The following ZNF624 variants were observed in gnomAD, a reference collection of about 807,000 sequenced individuals.
ZNF624 encodes zinc finger protein 624.
In ZNF624, 43 loss-of-function variants were observed where a neutral mutation model predicts 74.7. The observed-to-expected ratio is 0.58, with a 90% CI of 0.45 to 0.74. ZNF624 has a LOEUF of 0.74. Among genes scored for constraint, ZNF624 ranks in the 30% least tolerant of loss-of-function variants. ZNF624 has a pLI of 0.00. For synonymous variants in ZNF624, 331 were observed against 341.3 expected, an observed-to-expected ratio of 0.97 and a Z score of 0.33; for missense variants, 820 against 1,030.0, an observed-to-expected ratio of 0.80 and a Z score of 2.79.
At chr17:16,620,175 GTTC>G (rs1461661380), downstream of ZNF624, among the ~76,000 whole-genome samples, 1 of 152,146 alleles carries the variant, frequency 6.6e-6, no homozygotes, top group Non-Finnish European at 1.5e-5. Flanking sequence ...ATCATGCCTT[GTTC>G]TTTTTGGATG....
intron 3 of ZNF624, 46 bp downstream of exon 3, chr17:16,647,283 T>C (rs765495496): frequency 8.1e-6 from 12 of 1,480,540 alleles, no homozygotes; most frequent in East Asian, 6.8e-5. Context: ...GGCAGTAAAA[T>C]AGGCATTTTC....
chr17:16,649,530 T>C, intron 2 of ZNF624, 128 bp downstream of exon 2: 1 of 762,590 alleles, frequency 1.3e-6, no homozygotes, highest in Non-Finnish European at 2.2e-6. Context: ...AACCCAATTT[T>C]CATGGGTCTA....
intron 1 of ZNF624, among the ~76,000 whole-genome samples, chr17:16,653,072 T>A (rs1272739896): frequency 1.3e-5 from 2 of 152,254 alleles, no homozygotes; most frequent in Non-Finnish European, 2.9e-5. Flanking sequence ...CCTTGGCCAG[T>A]GCAGTTATTT....
chr17:16,617,220 TTTTGAGACAC>T, downstream of ZNF624: 4 of 1,612,704 alleles, frequency 2.5e-6, no homozygotes, highest in Admixed American at 6.7e-5. Flanking sequence ...GGGAGCGACT[TTTTGAGACAC>T]TTCCAGATCT....
Position 16,645,678 on chromosome 17 carries a change from G to A in ZNF624, c.153+1651C>T, listed in dbSNP as rs112728511. Among the ~76,000 whole-genome samples, 860 of 150,652 alleles carry A rather than the reference G, an allele frequency of 5.7e-3. 3 individuals are homozygous for A. In the Middle Eastern group the frequency reaches 0.058, roughly 10 times the overall value. On this transcript the variant is annotated intron_variant, in intron 3 of 5. Coordinates refer to ENST00000311331, the MANE Select transcript of ZNF624 (RefSeq NM_020787.4). ...CACTAATTGAAAATGTCAGCCGGGC[G>A]CAGTGGCTCATGCCTGTAATCCCAG...
chr17:16,632,576 T>G (rs1247338585), intron 5 of ZNF624, among the ~76,000 whole-genome samples: 1 of 152,220 alleles, frequency 6.6e-6, no homozygotes, highest in East Asian at 1.9e-4. Context: ...TATATAAAAA[T>G]ACGTAATTCA....
At position 16,639,501 on chromosome 17, in the gene ZNF624, C is replaced by T. The variant is rs556017895; in HGVS notation, c.154-4745G>A. On this transcript the variant is annotated intron_variant, in intron 3 of 5. Transcript: ENST00000311331. The stretch of plus-strand genomic sequence containing the variant: ...CAAGAACTCAGCCCCAGGAAAAAAT[C>T]TGAGAAGGCCCTCATCTCTCATCTA... Among the ~76,000 whole-genome samples the T allele has an allele frequency of 9.6e-4, 146 of 152,190 alleles. 1 individual carries two copies. The highest frequency in any genetic ancestry group is 3.4e-3 in the Middle Eastern group (1 of 294).
chr17:16,624,550 A>T (rs1406978496), intron 5 of ZNF624, 41 bp from the exon 6 acceptor site: 1 of 1,502,752 alleles, frequency 6.7e-7, no homozygotes, highest in East Asian at 2.3e-5. Context: ...TCCTTTCCTA[A>T]GCTGGGGCAA....
intron 5 of ZNF624, among the ~76,000 whole-genome samples, chr17:16,632,856 C>T (rs969805542): frequency 6.6e-6 from 1 of 152,244 alleles, no homozygotes; most frequent in Non-Finnish European, 1.5e-5. Context: ...CAGGCTGCTA[C>T]ATCTCTAATC....
intron 5 of ZNF624, among the ~76,000 whole-genome samples, chr17:16,630,535 C>A (rs951036607): frequency 4.6e-5 from 7 of 151,880 alleles, no homozygotes; most frequent in Non-Finnish European, 1.0e-4. Context: ...CCAGCCTGGG[C>A]GACGAGAGTG....
chr17:16,618,680 C>T (rs1429611223), downstream of ZNF624, among the ~76,000 whole-genome samples: 5 of 141,616 alleles, frequency 3.5e-5, no homozygotes, highest in African/African-American at 5.6e-5. Flanking sequence ...ACCAACCCCT[C>T]GTCGTCTTCC....
At chr17:16,647,247 A>G in intron 3 of ZNF624, 82 bp downstream of exon 3, 1 of 1,201,764 alleles carries the variant, frequency 8.3e-7, no homozygotes, top group South Asian at 1.2e-5. Flanking sequence ...TGAACTTGCA[A>G]TTAACTGGGA....
downstream of ZNF624, chr17:16,617,355 A>C: frequency 2.5e-6 from 4 of 1,613,596 alleles, no homozygotes; most frequent in South Asian, 1.1e-5. Context: ...CAATAAGCCT[A>C]ATATTTCTGC....
At chr17:16,614,773 C>A in the ZNF624 span, among the ~76,000 whole-genome samples, 1 of 152,138 alleles carries the variant, frequency 6.6e-6, no homozygotes, top group African/African-American at 2.4e-5. Flanking sequence ...ACAATATGGA[C>A]ATAGACATAA....
chr17:16,650,106 C>G (rs1227240266), intron 1 of ZNF624, among the ~76,000 whole-genome samples: 2 of 152,130 alleles, frequency 1.3e-5, no homozygotes, highest in African/African-American at 4.8e-5. Context: ...AATCTAATTC[C>G]AAAGCCCATA....
chr17:16,645,470 T>C (rs113767071), intron 3 of ZNF624, among the ~76,000 whole-genome samples: 54 of 152,226 alleles, frequency 3.5e-4, no homozygotes, highest in African/African-American at 1.2e-3. Flanking sequence ...TCAAGACTCT[T>C]TGTCTTGATG....
Position 16,622,416 on chromosome 17 carries a change from TA to T in ZNF624, c.2469del (p.Phe823LeufsTer5), listed in dbSNP as rs1299536948. ...CCAGTATGCATCCTCAAGTGTACAGTAAAGTCTGAGTTAGTTCTGAAGGCTT... is the reference window on the plus strand; with the variant it reads ...CCAGTATGCATCCTCAAGTGTACAGTAAGTCTGAGTTAGTTCTGAAGGCTT... ...CGKAFRTNSD[F>X]TVHLRMHTGE... On this transcript the variant is annotated frameshift_variant, in exon 6 of 6. Coordinates refer to ENST00000311331, the MANE Select transcript of ZNF624 (RefSeq NM_020787.4). LOFTEE classifies it high-confidence loss of function. 1.2e-6 allele frequency: 2 copies of T among 1,614,046 alleles called. No individual in the cohort carries two copies. The highest frequency in any genetic ancestry group is 1.7e-6 in the Non-Finnish European group (2 of 1,179,926).
chr17:16,640,680 C>A (rs769488789), intron 3 of ZNF624, among the ~76,000 whole-genome samples: 7 of 152,092 alleles, frequency 4.6e-5, no homozygotes, highest in Non-Finnish European at 1.0e-4. Context: ...GCATTAACTA[C>A]CAAAACTGAC....
intron 5 of ZNF624, among the ~76,000 whole-genome samples, chr17:16,627,446 T>G (rs574972336): frequency 6.6e-6 from 1 of 152,230 alleles, no homozygotes; most frequent in South Asian, 2.1e-4. Context: ...TGAGAACAAT[T>G]TGAAATGTTG....
Sources: allele counts gnomAD v4.1 joint callset (sites outside exome capture counted in the v4.1 genomes callset), GRCh38; gene constraint gnomAD v4.1.1; transcripts MANE v1.5; gene names NCBI Gene and HGNC (gene_info 2026-07-23, HGNC 2026-07-21).